Variants in L2HGDH observed in about 807,000 individuals in gnomAD.
The protein encoded by L2HGDH is L-2-hydroxyglutarate dehydrogenase, mitochondrial.
Under a neutral mutation model 51.5 loss-of-function variants are expected in L2HGDH, and 34 were observed. The ratio of observed to expected loss-of-function variants is 0.66; its 90% CI spans 0.50 to 0.88. The LOEUF (loss-of-function observed/expected upper bound fraction) is 0.88. Ranked by LOEUF, L2HGDH falls within the 40% of genes least tolerant of loss-of-function variation. The pLI is 0.00. For missense variants in L2HGDH, 558 were observed against 571.9 expected, an observed-to-expected ratio of 0.98 and a Z score of 0.25; for synonymous variants, 198 against 197.9, an observed-to-expected ratio of 1.00 and a Z score of -0.01.
At chr14:50,260,680 T>G (rs1888965030) in intron 9 of L2HGDH, among the ~76,000 whole-genome samples, 1 of 152,222 alleles carries the variant, frequency 6.6e-6, no homozygotes, top group Non-Finnish European at 1.5e-5. Flanking sequence ...ATTACTATTT[T>G]GTAGTGTGAA....
intron 3 of L2HGDH, among the ~76,000 whole-genome samples, chr14:50,299,126 A>G (rs2030255675): frequency 6.6e-6 from 1 of 152,168 alleles, no homozygotes; most frequent in South Asian, 2.1e-4. Flanking sequence ...AAAATCAGAG[A>G]TGAAAAAAGA....
At chr14:50,273,021 C>A (rs1889786740) in intron 6 of L2HGDH, among the ~76,000 whole-genome samples, 1 of 152,248 alleles carries the variant, frequency 6.6e-6, no homozygotes, top group East Asian at 1.9e-4. Flanking sequence ...GTGGGCAGAC[C>A]TCTGAACATC....
intron 1 of L2HGDH, among the ~76,000 whole-genome samples, chr14:50,308,129 G>A (rs952642650): frequency 7.2e-5 from 11 of 152,152 alleles, no homozygotes; most frequent in South Asian, 2.1e-4. Flanking sequence ...GATGGCTCAC[G>A]CCTTTAATCC....
In L2HGDH at chr14:50,243,413, C is replaced by G. The variant is rs1222210038; in HGVS notation, c.*3645G>C. 1 of 971,696 alleles carries G rather than the reference C, an allele frequency of 1.0e-6. No individual in the cohort carries two copies. Among genetic ancestry groups the G allele is most frequent in the East Asian group, 1.1e-4 (1 of 8,750 alleles). The allele number at this position is 971,696 out of a possible 1,614,324, so 60.2% of individuals were successfully genotyped here. A position where few individuals can be genotyped will look rare whatever the true frequency, so the allele number is the denominator to read the frequency against. On this transcript the variant is annotated 3_prime_UTR_variant, in exon 10 of 10. Transcript: ENST00000267436. Reference sequence around the variant, plus strand: ...TCTAAAGCAAACAGTTTATGTTTTACACATAAAAAAATTTATTTGCATAAA... The same window carrying G: ...TCTAAAGCAAACAGTTTATGTTTTAGACATAAAAAAATTTATTTGCATAAA...
At chr14:50,264,169 C>T (rs1223372194) in intron 9 of L2HGDH, among the ~76,000 whole-genome samples, 3 of 149,462 alleles carry the variant, frequency 2.0e-5, no homozygotes, top group Non-Finnish European at 3.0e-5. Context: ...CGCCTGAGGT[C>T]GGGAGTTTGA....
rs751514666 is a variant in L2HGDH, at chr14:50,278,552, T to C, written c.706A>G (p.Met236Val). ...KESPSRSIDG[M>V]QYPIVIKNTK... ...TTCTTTATAACAATTGGATATTGCA[T>C]TCCTGAAAAAAAAGAATAAGTGAAA... The change falls in exon 6 of 10, where the codon ATG (methionine) becomes GTG (valine). Residue 236 changes from methionine (M) to valine (V), a missense_variant and splice_region_variant. Physicochemically the swap from Met to Val is conservative, Grantham distance 21 (BLOSUM62 1). Around this residue, in one of 3 missense-constraint regions of L2HGDH, gnomAD observed 321 missense variants for 311.8 expected, o/e 1.03. Transcript: ENST00000267436. 1 of 1,433,290 alleles carries C rather than the reference T, an allele frequency of 7.0e-7. No individual in the cohort carries two copies. Among genetic ancestry groups the C allele is most frequent in the Non-Finnish European group, 9.7e-7 (1 of 1,027,178 alleles). The allele number at this position is 1,433,290 out of a possible 1,614,324, so 88.8% of individuals were successfully genotyped here.
In L2HGDH at chr14:50,244,970, T is replaced by A. The variant is rs1056729789; in HGVS notation, c.*2088A>T. 2 of 985,388 alleles carry A rather than the reference T, an allele frequency of 2.0e-6. No individual in the cohort carries two copies. Among genetic ancestry groups the A allele is most frequent in the Admixed American group, 6.2e-5 (1 of 16,240 alleles). The allele number at this position is 985,388 out of a possible 1,614,324, so 61.0% of individuals were successfully genotyped here. On this transcript the variant is annotated 3_prime_UTR_variant, in exon 10 of 10. Coordinates refer to ENST00000267436, the MANE Select transcript of L2HGDH (RefSeq NM_024884.3). ...CTGCAGTCAGGTCGCCACATTTTCA[T>A]TTACAATTTCTATTTTCTAACTTTC...
In L2HGDH at chr14:50,286,319, C is replaced by T. The variant is rs577972087; in HGVS notation, c.541-2286G>A. Among the ~76,000 whole-genome samples, 4 of 152,140 alleles carry T rather than the reference C, an allele frequency of 2.6e-5. No individual in the cohort carries two copies. In the East Asian group the frequency reaches 5.8e-4, roughly 22 times the overall value. On this transcript the variant is annotated intron_variant, in intron 4 of 9. Coordinates refer to ENST00000267436, the MANE Select transcript of L2HGDH (RefSeq NM_024884.3). ...TTACCTTCGGCTACTCTGGGCATAC[C>T]GCTTATGGGGTAGCCCTGCTCTGCA... is the stretch of plus-strand genomic sequence containing the variant.
chr14:50,281,607 A>C (rs1291683831), intron 5 of L2HGDH, among the ~76,000 whole-genome samples: 1 of 152,174 alleles, frequency 6.6e-6, no homozygotes, highest in East Asian at 1.9e-4. Flanking sequence ...AAAATAAAAT[A>C]AATAAAATAA....
intron 4 of L2HGDH, among the ~76,000 whole-genome samples, chr14:50,292,409 G>C (rs187454469): frequency 6.6e-6 from 1 of 152,282 alleles, no homozygotes; most frequent in East Asian, 1.9e-4. Flanking sequence ...AGATATTCAG[G>C]CCTATTAAAA....
chr14:50,296,744 G>C (rs1417456355), intron 3 of L2HGDH, among the ~76,000 whole-genome samples: 1 of 152,032 alleles, frequency 6.6e-6, no homozygotes, highest in Non-Finnish European at 1.5e-5. Flanking sequence ...GCCAATATTA[G>C]TTTGATACTA....
At chr14:50,311,922 G>T in intron 1 of L2HGDH, 89 bp downstream of exon 1, 1 of 1,511,736 alleles carries the variant, frequency 6.6e-7, no homozygotes, top group South Asian at 1.2e-5. Context: ...CCCGGGACAG[G>T]GAAATACGAA....
At chr14:50,259,812 A>C (rs1344420895) in intron 9 of L2HGDH, among the ~76,000 whole-genome samples, 3 of 151,904 alleles carry the variant, frequency 2.0e-5, no homozygotes, top group Admixed American at 6.6e-5. Flanking sequence ...CCAGCCTGGG[A>C]GACAGAGCGA....
At chr14:50,292,183 G>A (rs549642896) in intron 4 of L2HGDH, among the ~76,000 whole-genome samples, 3 of 152,272 alleles carry the variant, frequency 2.0e-5, no homozygotes, top group African/African-American at 4.8e-5. Flanking sequence ...CAGACAAAGG[G>A]AGGGATATAT....
chr14:50,251,266 A>G (rs1888332717), intron 9 of L2HGDH, among the ~76,000 whole-genome samples: 1 of 152,168 alleles, frequency 6.6e-6, no homozygotes, highest in Non-Finnish European at 1.5e-5. Context: ...AGCAGAACTG[A>G]TCAGGCAGAA....
rs544562117 is a variant in L2HGDH, at chr14:50,255,763, G to A, written c.1197-8510C>T. On this transcript the variant is annotated intron_variant, in intron 9 of 9. Coordinates refer to ENST00000267436, the MANE Select transcript of L2HGDH (RefSeq NM_024884.3). ...TATTTTTAAATATATCCTGGGCAGGGTGGCTCAGGCCCAATCCCACTTTGG... is the reference window on the plus strand; with the variant it reads ...TATTTTTAAATATATCCTGGGCAGGATGGCTCAGGCCCAATCCCACTTTGG... Among the ~76,000 whole-genome samples, 3 of 151,940 alleles carry A rather than the reference G, an allele frequency of 2.0e-5. No individual in the cohort carries two copies. The South Asian group carries it at 6.2e-4, about 32-fold the overall frequency.
chr14:50,283,913 C>A lies in L2HGDH; in HGVS notation c.661G>T (p.Gly221Cys). Reference protein sequence around the residue: ...GSVLTNFEVKGIEMAKESPSR... With the variant: ...GSVLTNFEVKCIEMAKESPSR... ...GGACTTTCTTTAGCCATTTCAATAC[C>A]TTTTACTTCAAAATTGGTCAAGACA... is the stretch of plus-strand genomic sequence containing the variant. Residue 221 changes from glycine (G) to cysteine (C), a missense_variant, in exon 5 of 10, where the codon GGT becomes TGT. Gly to Cys is a radical substitution (Grantham distance 159, BLOSUM62 -3). Coordinates refer to ENST00000267436, the MANE Select transcript of L2HGDH (RefSeq NM_024884.3). The A allele has an allele frequency of 6.2e-7, 1 of 1,614,062 alleles. No homozygotes were observed. The highest frequency in any genetic ancestry group is 8.5e-7 in the Non-Finnish European group (1 of 1,179,992).
At chr14:50,291,434 T>C (rs774798784) in intron 4 of L2HGDH, among the ~76,000 whole-genome samples, 11 of 151,966 alleles carry the variant, frequency 7.2e-5, no homozygotes, top group Non-Finnish European at 1.2e-4. Flanking sequence ...TAAGAAATAT[T>C]TGAGGAGAGA....
chr14:50,283,210 A>G (rs1890375154), intron 5 of L2HGDH, among the ~76,000 whole-genome samples: 1 of 152,000 alleles, frequency 6.6e-6, no homozygotes. Flanking sequence ...CAAGGGGAAA[A>G]AAAAAATGCA....
Sources: allele counts gnomAD v4.1 joint callset (sites outside exome capture counted in the v4.1 genomes callset), GRCh38; gene constraint gnomAD v4.1.1; regional missense constraint gnomAD v4.1.1; transcripts MANE v1.5; gene names NCBI Gene and HGNC (gene_info 2026-07-23, HGNC 2026-07-21).